Variants in CWH43 observed in about 807,000 individuals in gnomAD.
CWH43 encodes PGAP2-interacting protein.
CWH43 carries 91 observed loss-of-function variants against 85.7 expected under a neutral mutation model. The observed-to-expected ratio is 1.06, with a 90% CI of 0.90 to 1.26. CWH43 has a LOEUF of 1.26. Ranked by LOEUF, CWH43 falls within the 50% of genes most tolerant of loss-of-function variation. The pLI is 0.00. For missense variants in CWH43, 869 were observed against 839.2 expected, an observed-to-expected ratio of 1.04 and a Z score of -0.44; for synonymous variants, 323 against 293.6, an observed-to-expected ratio of 1.10 and a Z score of -1.02.
At chr4:49,019,888 T>C (rs1484388699) in intron 9 of CWH43, among the ~76,000 whole-genome samples, 1 of 152,074 alleles carries the variant, frequency 6.6e-6, no homozygotes, top group African/African-American at 2.4e-5. Flanking sequence ...CCATTGTCAA[T>C]TGTTTTTGGG....
In CWH43 at chr4:49,017,303, C is replaced by A. The variant is rs1401534021; in HGVS notation, c.1241C>A (p.Ala414Asp). 1 of 1,611,474 alleles carries A rather than the reference C, an allele frequency of 6.2e-7. No individual in the cohort carries two copies. Among genetic ancestry groups the A allele is most frequent in the East Asian group, 2.2e-5 (1 of 44,846 alleles). ...GLLGLGLRHK[A>D]YERKLGKVAP... ...TTGGGATTAGGACTACGGCATAAAG[C>A]CTATGAGAGAAAACTGGGCAAAGTG... Residue 414 changes from alanine to aspartate, a missense_variant, in exon 9 of 16, where the codon GCC becomes GAC. Physicochemically the swap from Ala to Asp is moderately radical, Grantham distance 126. Transcript: ENST00000226432.
chr4:49,049,443 C>T (rs1267759217), intron 14 of CWH43, among the ~76,000 whole-genome samples: 3 of 152,074 alleles, frequency 2.0e-5, no homozygotes, highest in Non-Finnish European at 4.4e-5. Flanking sequence ...TTGACCCTTT[C>T]CCTGAAGGTG....
Position 49,001,520 on chromosome 4 carries a change from T to C in CWH43, c.803-2215T>C, listed in dbSNP as rs75987298. Among the ~76,000 whole-genome samples, 1,231 of 152,256 alleles carry C rather than the reference T, an allele frequency of 8.1e-3. 13 individuals carry two copies. The highest frequency in any genetic ancestry group is 0.024 in the African/African-American group (1,002 of 41,554). Reference sequence around the variant, plus strand: ...AGGGAAATGCATGCACATATGTATTTCTTTGTATGTGTAGGGTATCTCTGG... The same window carrying C: ...AGGGAAATGCATGCACATATGTATTCCTTTGTATGTGTAGGGTATCTCTGG... On this transcript the variant is annotated intron_variant, in intron 6 of 15. Transcript: ENST00000226432.
Position 49,003,840 on chromosome 4 carries a change from G to A in CWH43, c.908G>A (p.Gly303Glu). Residue 303 changes from glycine (G) to glutamate (E), a missense_variant, in exon 7 of 16, where the codon GGA becomes GAA. By Grantham distance (98) the Gly-to-Glu change is moderately conservative. Around this residue, in one of 3 missense-constraint regions of CWH43, gnomAD observed 577 missense variants for 513.1 expected, o/e 1.12. Coordinates refer to ENST00000226432, the MANE Select transcript of CWH43 (RefSeq NM_025087.3). The part of the protein sequence containing the change: ...FTASMWPQTL[G>E]HLINSGTNPG... The stretch of plus-strand genomic sequence containing the variant: ...GCATCCATGTGGCCCCAAACACTTG[G>A]ACACCTTATTAACTCAGGGACAAAC... 6.2e-7 allele frequency: 1 copy of A among 1,613,972 alleles called. No homozygotes were observed. Among genetic ancestry groups the A allele is most frequent in the East Asian group, 2.2e-5 (1 of 44,878 alleles).
intron 9 of CWH43, among the ~76,000 whole-genome samples, chr4:49,019,081 C>A (rs1476779275): frequency 6.6e-6 from 1 of 152,094 alleles, no homozygotes; most frequent in Non-Finnish European, 1.5e-5. Flanking sequence ...TAATGATTAC[C>A]AAATGTTTCT....
At chr4:49,039,382 G>GAT (rs36177079) in intron 13 of CWH43, among the ~76,000 whole-genome samples, 46,201 of 85,168 alleles carry the variant, frequency 0.54, 14,557 homozygotes, top group Middle Eastern at 0.72. Flanking sequence ...TATATATACT[G>GAT]ATATATATAT....
chr4:49,025,214 T>A (rs1783872009), intron 9 of CWH43, among the ~76,000 whole-genome samples: 1 of 152,146 alleles, frequency 6.6e-6, no homozygotes, highest in African/African-American at 2.4e-5. Flanking sequence ...TGTTTTTTAT[T>A]TATCCTACCT....
At chr4:49,048,342 G>T (rs922312328) in intron 14 of CWH43, among the ~76,000 whole-genome samples, 1 of 148,748 alleles carries the variant, frequency 6.7e-6, no homozygotes, top group Non-Finnish European at 1.5e-5. Context: ...CACTCTGTGT[G>T]TATATATATA....
intron 13 of CWH43, among the ~76,000 whole-genome samples, chr4:49,042,259 C>T (rs1274521625): frequency 6.6e-6 from 1 of 152,120 alleles, no homozygotes; most frequent in Non-Finnish European, 1.5e-5. Flanking sequence ...ACTTGGGCCT[C>T]CTCTCTGCCT....
intron 15 of CWH43, among the ~76,000 whole-genome samples, chr4:49,055,138 T>C (rs1255487940): frequency 6.6e-6 from 1 of 152,156 alleles, no homozygotes; most frequent in Non-Finnish European, 1.5e-5. Flanking sequence ...ATGTTAGCTG[T>C]GGGTTGTCAT....
intron 15 of CWH43, among the ~76,000 whole-genome samples, chr4:49,053,886 A>C (rs577017421): frequency 6.6e-6 from 1 of 152,264 alleles, no homozygotes; most frequent in South Asian, 2.1e-4. Flanking sequence ...AATCTGAAAT[A>C]CTTCTGGTCC....
chr4:48,990,882 G>A (rs1252890677), intron 2 of CWH43, among the ~76,000 whole-genome samples: 3 of 152,094 alleles, frequency 2.0e-5, no homozygotes, highest in African/African-American at 7.2e-5. Context: ...CAACCTAAAT[G>A]CCCATCAACT....
intron 8 of CWH43, 65 bp from the exon 9 acceptor site, chr4:49,017,178 GGTCAGT>G: frequency 7.7e-7 from 1 of 1,294,844 alleles, no homozygotes; most frequent in South Asian, 1.3e-5. Context: ...AGGCACTGAA[GGTCAGT>G]GTCAGCAAAT....
At chr4:49,000,663 A>G (rs1237746154) in intron 6 of CWH43, among the ~76,000 whole-genome samples, 1 of 152,198 alleles carries the variant, frequency 6.6e-6, no homozygotes, top group Non-Finnish European at 1.5e-5. Context: ...GCAGGTAGTT[A>G]ACAGCTTCAT....
intron 14 of CWH43, among the ~76,000 whole-genome samples, chr4:49,046,899 G>A (rs1784642540): frequency 1.3e-5 from 2 of 152,172 alleles, no homozygotes; most frequent in Non-Finnish European, 2.9e-5. Flanking sequence ...GGGTTCTCCT[G>A]TTAGGACAGA....
chr4:49,000,271 G>A (rs1782948682), intron 6 of CWH43, among the ~76,000 whole-genome samples: 1 of 152,172 alleles, frequency 6.6e-6, no homozygotes, highest in Non-Finnish European at 1.5e-5. Flanking sequence ...ACATTTGCAT[G>A]GAAATGTATG....
intron 15 of CWH43, among the ~76,000 whole-genome samples, chr4:49,053,405 C>A (rs750858145): frequency 3.9e-5 from 6 of 152,070 alleles, no homozygotes; most frequent in Non-Finnish European, 5.9e-5. Flanking sequence ...TTTACATTCC[C>A]ACAACAGTGA....
At chr4:49,014,604 C>CT (rs927034493) in intron 8 of CWH43, among the ~76,000 whole-genome samples, 18 of 150,700 alleles carry the variant, frequency 1.2e-4, no homozygotes, top group South Asian at 4.2e-4. Context: ...CAATCTTTGT[C>CT]TTTTTTTTTG....
At chr4:49,020,416 C>CACACACACACATAT (rs140534523) in intron 9 of CWH43, among the ~76,000 whole-genome samples, 4,839 of 128,162 alleles carry the variant, frequency 0.038, 159 homozygotes, top group Admixed American at 0.07. Context: ...CACACACACA[C>CACACACACACATAT]ATATATATAT....
Sources: allele counts gnomAD v4.1 joint callset (sites outside exome capture counted in the v4.1 genomes callset), GRCh38; gene constraint gnomAD v4.1.1; regional missense constraint gnomAD v4.1.1; transcripts MANE v1.5; gene names NCBI Gene and HGNC (gene_info 2026-07-23, HGNC 2026-07-21).